Variants in IQCM observed in about 807,000 individuals in gnomAD.
IQCM encodes IQ domain-containing protein M.
In IQCM, 45 loss-of-function variants were observed where a neutral mutation model predicts 57.6. That is an observed-to-expected ratio of 0.78 (90% CI 0.62 to 1.00). The LOEUF (loss-of-function observed/expected upper bound fraction) is 1.00, where lower values mean the gene tolerates loss of function less well. Ranked by LOEUF, IQCM falls within the 50% of genes least tolerant of loss-of-function variation. The probability of loss-of-function intolerance (pLI) is 0.00; values close to 1 mark genes in which losing one functional copy is unlikely to be tolerated. For synonymous variants in IQCM, 148 were observed against 158.9 expected (o/e 0.93, Z 0.51); for missense variants, 468 against 511.6 (o/e 0.91, Z 0.82).
intron 7 of IQCM, among the ~76,000 whole-genome samples, chr4:149,669,953 A>T (rs564125036): frequency 1.1e-4 from 16 of 152,090 alleles, no homozygotes; most frequent in South Asian, 4.1e-4. Flanking sequence ...TTGTCTTGGC[A>T]ATGTGGGCTC....
At chr4:149,401,864 G>C (rs911485072) in intron 13 of IQCM, among the ~76,000 whole-genome samples, 1 of 151,732 alleles carries the variant, frequency 6.6e-6, no homozygotes, top group Non-Finnish European at 1.5e-5. Context: ...CTTTTATAAA[G>C]GTTGATTAGA....
At chr4:149,380,439 CT>C (rs1730998476) in intron 13 of IQCM, among the ~76,000 whole-genome samples, 1 of 152,006 alleles carries the variant, frequency 6.6e-6, no homozygotes, top group Non-Finnish European at 1.5e-5. Flanking sequence ...GGAAACAAAT[CT>C]AATTAATTTT....
intron 9 of IQCM, among the ~76,000 whole-genome samples, chr4:149,570,325 G>A (rs1751032828): frequency 6.6e-6 from 1 of 152,014 alleles, no homozygotes; most frequent in South Asian, 2.1e-4. Flanking sequence ...CAGTAAACTA[G>A]TATGGTGGCT....
chr4:149,402,091 G>A (rs560945158), intron 13 of IQCM, among the ~76,000 whole-genome samples: 5 of 151,638 alleles, frequency 3.3e-5, no homozygotes, highest in Non-Finnish European at 5.9e-5. Context: ...CATTGACAGA[G>A]GTGAAAAAAG....
chr4:149,529,685 T>C (rs1746537393), intron 12 of IQCM, among the ~76,000 whole-genome samples: 1 of 152,152 alleles, frequency 6.6e-6, no homozygotes, highest in Admixed American at 6.5e-5. Context: ...CTTGAGAGGT[T>C]CCTGAATCCA....
At chr4:149,472,888 A>C (rs1425501998) in intron 12 of IQCM, among the ~76,000 whole-genome samples, 2 of 152,226 alleles carry the variant, frequency 1.3e-5, no homozygotes, top group Non-Finnish European at 2.9e-5. Flanking sequence ...TTCCCTGTTT[A>C]AAAAATGGTG....
intron 12 of IQCM, among the ~76,000 whole-genome samples, chr4:149,503,431 G>A: frequency 6.6e-6 from 1 of 152,032 alleles, no homozygotes; most frequent in East Asian, 1.9e-4. Context: ...AAAGACATTT[G>A]AGGATGAGGG....
At chr4:149,438,570 T>C (rs1735599295) in intron 12 of IQCM, among the ~76,000 whole-genome samples, 1 of 152,112 alleles carries the variant, frequency 6.6e-6, no homozygotes, top group Admixed American at 6.6e-5. Flanking sequence ...ATAAGTGATG[T>C]CATACTTTTT....
intron 7 of IQCM, among the ~76,000 whole-genome samples, chr4:149,641,775 T>A (rs1431212542): frequency 6.6e-6 from 1 of 152,216 alleles, no homozygotes; most frequent in Non-Finnish European, 1.5e-5. Flanking sequence ...CAACGTGTTA[T>A]ATAGCATGAC....
intron 7 of IQCM, among the ~76,000 whole-genome samples, chr4:149,630,150 TGA>T (rs1296419607): frequency 3.9e-5 from 6 of 152,224 alleles, no homozygotes; most frequent in Non-Finnish European, 8.8e-5. Flanking sequence ...TCAGAGGTCC[TGA>T]TGACAAGTCT....
Position 149,368,912 on chromosome 4 carries a change from ATATGTG to A in IQCM, c.1391-16852_1391-16847del, listed in dbSNP as rs1560779485. On this transcript the variant is annotated intron_variant, in intron 13 of 13. Coordinates refer to ENST00000636793, the MANE Select transcript of IQCM (RefSeq NM_001363507.2). ...TATGTATATATATACACGTGTATATATATGTGTATATATATACACGTGTATATATAT... is the reference window on the plus strand; with the variant it reads ...TATGTATATATATACACGTGTATATATATATATATACACGTGTATATATAT... Among the ~76,000 whole-genome samples the A allele has an allele frequency of 5.3e-5, 4 of 76,064 alleles. 1 individual carries two copies. The highest frequency in any genetic ancestry group is 1.2e-4 in the Non-Finnish European group (4 of 33,862). 49.9% of individuals were successfully genotyped at this position (76,064 alleles called of 152,430 possible).
At chr4:149,648,224 TC>T (rs2150128152) in intron 7 of IQCM, among the ~76,000 whole-genome samples, 1 of 152,300 alleles carries the variant, frequency 6.6e-6, no homozygotes, top group Non-Finnish European at 1.5e-5. Context: ...GTCTATTTTT[TC>T]CATTGGTTTT....
At chr4:149,725,693 G>A (rs540757205) in intron 5 of IQCM, among the ~76,000 whole-genome samples, 20 of 152,080 alleles carry the variant, frequency 1.3e-4, no homozygotes, top group African/African-American at 4.6e-4. Context: ...CCCCAAAAGA[G>A]ACTATCATTA....
At chr4:149,813,341 T>A (rs1346359942) in intron 2 of IQCM, among the ~76,000 whole-genome samples, 1 of 145,210 alleles carries the variant, frequency 6.9e-6, no homozygotes, top group Non-Finnish European at 1.6e-5. Flanking sequence ...CTAATGCATC[T>A]TTTTTTTAAA....
At chr4:149,656,936 G>A (rs896289386) in intron 7 of IQCM, among the ~76,000 whole-genome samples, 5 of 152,136 alleles carry the variant, frequency 3.3e-5, no homozygotes, top group Non-Finnish European at 5.9e-5. Context: ...TGTTAATCAT[G>A]GCTGAGAGAC....
At chr4:149,588,060 T>G (rs1162855764) in intron 8 of IQCM, 63 bp from the exon 9 acceptor site, 6 of 652,080 alleles carry the variant, frequency 9.2e-6, no homozygotes, top group Non-Finnish European at 1.3e-5. Context: ...TATAAAATTT[T>G]AATTCCATTG....
At chr4:149,441,853 T>A (rs183569981) in intron 12 of IQCM, among the ~76,000 whole-genome samples, 40 of 152,240 alleles carry the variant, frequency 2.6e-4, no homozygotes, top group Non-Finnish European at 2.5e-4. Flanking sequence ...GGTGGGACTT[T>A]TGGAAGGTGA....
chr4:149,498,189 T>C (rs780647543), intron 12 of IQCM, among the ~76,000 whole-genome samples: 13 of 151,982 alleles, frequency 8.6e-5, no homozygotes, highest in Non-Finnish European at 1.8e-4. Flanking sequence ...CCCTCCTTAC[T>C]CAACAAGAAA....
chr4:149,717,206 G>C (rs954028367), intron 5 of IQCM, among the ~76,000 whole-genome samples: 12 of 152,180 alleles, frequency 7.9e-5, no homozygotes, highest in Non-Finnish European at 1.6e-4. Flanking sequence ...AGAAATTCTA[G>C]ATGCTCATAC....
Sources: gnomAD v4.1 joint callset for allele counts (sites outside exome capture counted in the v4.1 genomes callset) on GRCh38, gnomAD v4.1.1 for gene constraint, MANE v1.5 for transcripts, NCBI Gene and HGNC (gene_info 2026-07-23, HGNC 2026-07-21) for gene names.